MCTP2: variants seen among roughly 807,000 people sequenced by gnomAD.
MCTP2 encodes multiple C2 and transmembrane domain containing 2.
Under a neutral mutation model 111.6 loss-of-function variants are expected in MCTP2, and 132 were observed. That is an observed-to-expected ratio of 1.18 (90% CI 1.03 to 1.37). The LOEUF (loss-of-function observed/expected upper bound fraction) is 1.37, where lower values mean the gene tolerates loss of function less well. Among genes scored for constraint, MCTP2 ranks in the 40% most tolerant of loss-of-function variants. The probability of loss-of-function intolerance (pLI) is 0.00; values close to 1 mark genes in which losing one functional copy is unlikely to be tolerated. For missense variants in MCTP2, 1,183 were observed against 1,067.9 expected (o/e 1.11, Z -1.50); for synonymous variants, 395 against 387.7 (o/e 1.02, Z -0.22).
chr15:94,388,012 C>T (rs1596547144), intron 14 of MCTP2, among the ~76,000 whole-genome samples: 3 of 151,872 alleles, frequency 2.0e-5, no homozygotes, highest in East Asian at 3.9e-4. Context: ...GTGCCTGTGG[C>T]GAACAGGAAA....
At chr15:94,365,384 A>C (rs1294705843) in intron 10 of MCTP2, among the ~76,000 whole-genome samples, 9 of 152,194 alleles carry the variant, frequency 5.9e-5, no homozygotes, top group Admixed American at 5.9e-4. Context: ...ATTTTTTTGT[A>C]ATAACGTAAG....
chr15:94,461,185 C>A (rs1341900613), intron 20 of MCTP2, among the ~76,000 whole-genome samples: 1 of 152,144 alleles, frequency 6.6e-6, no homozygotes, highest in Non-Finnish European at 1.5e-5. Context: ...TTTGGCTGGG[C>A]ACGGTGGCTC....
intron 1 of MCTP2, among the ~76,000 whole-genome samples, chr15:94,235,108 C>G (rs376405319): frequency 2.0e-4 from 30 of 152,134 alleles, no homozygotes; most frequent in African/African-American, 7.2e-4. Context: ...AAAAATTAGT[C>G]CGGTGTGGTG....
chr15:94,445,722 T>G (rs1160736784), intron 19 of MCTP2, among the ~76,000 whole-genome samples: 1 of 152,210 alleles, frequency 6.6e-6, no homozygotes, highest in Non-Finnish European at 1.5e-5. Context: ...TTCTGTTGTG[T>G]GTTAGACATG....
At chr15:94,281,547 C>G (rs2074487833) in intron 1 of MCTP2, among the ~76,000 whole-genome samples, 1 of 152,074 alleles carries the variant, frequency 6.6e-6, no homozygotes, top group Non-Finnish European at 1.5e-5. Flanking sequence ...GGGTATTTAG[C>G]TTATTTACAT....
intron 19 of MCTP2, among the ~76,000 whole-genome samples, chr15:94,452,891 C>T (rs2084554119): frequency 1.3e-5 from 2 of 152,128 alleles, no homozygotes; most frequent in Admixed American, 6.5e-5. Context: ...GGAAATTTTC[C>T]CTGTCTCACA....
chr15:94,402,259 A>G (rs1383762460), intron 17 of MCTP2: 1 of 976,058 alleles, frequency 1.0e-6, no homozygotes, highest in Non-Finnish European at 1.2e-6. Flanking sequence ...TTGTTGTTAC[A>G]GCTACATTTG....
chr15:94,399,812 G>A, intron 15 of MCTP2, 109 bp from the exon 16 acceptor site: 1 of 890,454 alleles, frequency 1.1e-6, no homozygotes, highest in Middle Eastern at 2.2e-4. Flanking sequence ...CCCTGCTAAG[G>A]TCAGAGTCAG....
chr15:94,351,528 A>G (rs901855666), intron 8 of MCTP2, among the ~76,000 whole-genome samples: 1 of 152,040 alleles, frequency 6.6e-6, no homozygotes, highest in African/African-American at 2.4e-5. Flanking sequence ...GTTTCCATTG[A>G]CTACTTACTT....
chr15:94,373,235 T>C lies in MCTP2; in HGVS notation c.1582+3055T>C, dbSNP rs541727127. ...GAAGGATATTCCCTGTGAGTTGTTA[T>C]TGATGTTATGATTATGTAGTCATAA... is the stretch of plus-strand genomic sequence containing the variant. On this transcript the variant is annotated intron_variant, in intron 12 of 22. Coordinates refer to ENST00000357742, the MANE Select transcript of MCTP2 (RefSeq NM_001385001.1). Among the ~76,000 whole-genome samples the C allele has an allele frequency of 3.9e-5, 6 of 152,328 alleles. No individual in the cohort carries two copies. The South Asian group carries it at 1.0e-3, about 26-fold the overall frequency.
intron 19 of MCTP2, among the ~76,000 whole-genome samples, chr15:94,443,993 A>AAAAC (rs1555476104): frequency 6.7e-6 from 1 of 149,388 alleles, no homozygotes; most frequent in East Asian, 1.9e-4. Flanking sequence ...AAAAAAAAAA[A>AAAAC]AAAAAAAAAA....
intron 1 of MCTP2, among the ~76,000 whole-genome samples, chr15:94,253,095 C>T (rs1419461187): frequency 6.6e-6 from 1 of 152,142 alleles, no homozygotes; most frequent in East Asian, 1.9e-4. Flanking sequence ...CTCCTTGAAA[C>T]TTCCTCTCTC....
At chr15:94,377,663 T>G (rs952001113) in intron 12 of MCTP2, among the ~76,000 whole-genome samples, 1 of 152,152 alleles carries the variant, frequency 6.6e-6, no homozygotes, top group Admixed American at 6.5e-5. Context: ...CCTGGTGATA[T>G]GGTAGAAAGG....
intron 1 of MCTP2, among the ~76,000 whole-genome samples, chr15:94,238,644 C>A (rs1486318866): frequency 6.6e-6 from 1 of 152,006 alleles, no homozygotes; most frequent in Non-Finnish European, 1.5e-5. Context: ...AGAGGGGAAA[C>A]CAGACAGTTT....
chr15:94,388,496 C>G (rs2080658662), intron 14 of MCTP2, among the ~76,000 whole-genome samples: 1 of 152,210 alleles, frequency 6.6e-6, no homozygotes, highest in African/African-American at 2.4e-5. Context: ...TAAATATGAT[C>G]TTAAAATTGC....
chr15:94,412,405 G>C (rs1298378400), intron 17 of MCTP2, among the ~76,000 whole-genome samples: 1 of 151,874 alleles, frequency 6.6e-6, no homozygotes, highest in African/African-American at 2.4e-5. Flanking sequence ...ATGTAAATCT[G>C]TATTGCTACC....
intron 1 of MCTP2, among the ~76,000 whole-genome samples, chr15:94,269,427 C>T (rs1157364645): frequency 2.0e-5 from 3 of 152,154 alleles, no homozygotes; most frequent in Admixed American, 6.5e-5. Context: ...ATGTTTTAGA[C>T]AGATAATAGA....
intron 17 of MCTP2, among the ~76,000 whole-genome samples, chr15:94,417,105 G>C (rs1468776518): frequency 6.6e-6 from 1 of 152,090 alleles, no homozygotes; most frequent in African/African-American, 2.4e-5. Flanking sequence ...CTCCTGGCCT[G>C]AGTGCCACTC....
intron 22 of MCTP2, among the ~76,000 whole-genome samples, chr15:94,477,038 T>G (rs907448827): frequency 1.3e-5 from 2 of 152,208 alleles, no homozygotes; most frequent in East Asian, 1.9e-4. Context: ...GTGTGGCTAC[T>G]GGGCACTGAT....
Sources: allele counts gnomAD v4.1 joint callset (sites outside exome capture counted in the v4.1 genomes callset), GRCh38; gene constraint gnomAD v4.1.1; transcripts MANE v1.5; gene names NCBI Gene and HGNC (gene_info 2026-07-23, HGNC 2026-07-21).